Variants in ZNF365 observed in about 807,000 individuals in gnomAD.
ZNF365 encodes the protein protein ZNF365.
A neutral mutation model predicts 35.0 loss-of-function variants in ZNF365; 22 were observed. The ratio of observed to expected loss-of-function variants is 0.63; its 90% CI spans 0.45 to 0.90. The LOEUF (loss-of-function observed/expected upper bound fraction) is 0.90. Among genes scored for constraint, ZNF365 ranks in the 40% least tolerant of loss-of-function variants. The probability of loss-of-function intolerance (pLI) is 0.00; values close to 1 mark genes in which losing one functional copy is unlikely to be tolerated. For synonymous variants in ZNF365, 188 were observed against 196.2 expected, an observed-to-expected ratio of 0.96 and a Z score of 0.35; for missense variants, 448 against 500.3, an observed-to-expected ratio of 0.90 and a Z score of 1.00.
chr10:62,388,595 G>A lies in ZNF365; in HGVS notation c.924+19G>A. The A allele has an allele frequency of 6.2e-7, 1 of 1,612,486 alleles. No individual in the cohort carries two copies. Among genetic ancestry groups the A allele is most frequent in the Non-Finnish European group, 8.5e-7 (1 of 1,179,778 alleles). On this transcript the variant is annotated intron_variant, in intron 3 of 4. Transcript: ENST00000395254. The stretch of plus-strand genomic sequence containing the variant: ...GCACGTGGTGAGTCACCCCGGGCCA[G>A]CCACCGAGTGTAAGATCCCTGTGGT...
At chr10:62,375,811 C>G (rs1839313444) in intron 1 of ZNF365, 1 of 180,132 alleles carries the variant, frequency 5.6e-6, no homozygotes, top group East Asian at 1.5e-4. Flanking sequence ...TTCCTTGCTT[C>G]AGTGTTCTCT....
At chr10:62,406,305 A>G (rs1839904172), downstream of ZNF365, among the ~76,000 whole-genome samples, 1 of 152,068 alleles carries the variant, frequency 6.6e-6, no homozygotes, top group South Asian at 2.1e-4. Flanking sequence ...TTCAGATTTG[A>G]GATCAATTGT....
chr10:62,417,343 G>A (rs965158493), intron 3 of ZNF365, among the ~76,000 whole-genome samples: 3 of 152,036 alleles, frequency 2.0e-5, no homozygotes, highest in African/African-American at 7.2e-5. Flanking sequence ...AATGATCCCA[G>A]TGGATAAAAC....
At chr10:62,469,461 C>G (rs1348855483) in intron 4 of ZNF365, among the ~76,000 whole-genome samples, 1 of 152,064 alleles carries the variant, frequency 6.6e-6, no homozygotes, top group Non-Finnish European at 1.5e-5. Flanking sequence ...AGTTAAATAC[C>G]CTCAGTTTTT....
chr10:62,449,759 A>C (rs1309625888), intron 3 of ZNF365, among the ~76,000 whole-genome samples: 3 of 151,398 alleles, frequency 2.0e-5, no homozygotes, highest in Non-Finnish European at 1.5e-5. Context: ...GTAGTTCCTC[A>C]ATCTCCAAAT....
At chr10:62,452,656 T>C (rs562640854) in intron 3 of ZNF365, among the ~76,000 whole-genome samples, 14 of 152,394 alleles carry the variant, frequency 9.2e-5, no homozygotes, top group Admixed American at 7.8e-4. Flanking sequence ...GAAGGCAGTT[T>C]TGGCCTGAAT....
At chr10:62,403,764 C>T (rs1411995789), downstream of ZNF365, among the ~76,000 whole-genome samples, 3 of 152,180 alleles carry the variant, frequency 2.0e-5, no homozygotes, top group Non-Finnish European at 2.9e-5. Flanking sequence ...TAATGGGTTC[C>T]CCAGGTTATA....
rs1028852712 is a variant in ZNF365 at position 62,400,140 on chromosome 10, T to A, written c.*351T>A. The A allele has an allele frequency of 9.6e-6, 10 of 1,038,292 alleles. No homozygotes were observed. The highest frequency in any genetic ancestry group is 1.2e-5 in the Non-Finnish European group (10 of 861,802). The allele number at this position is 1,038,292 out of a possible 1,614,324, so 64.3% of individuals were successfully genotyped here. A position where few individuals can be genotyped will look rare whatever the true frequency, so the allele number is the denominator to read the frequency against. On this transcript the variant is annotated 3_prime_UTR_variant, in exon 5 of 5. Coordinates refer to ENST00000395254, the MANE Select transcript of ZNF365 (RefSeq NM_014951.3). ...TTCAGGACCAAGGCCACACAAAATG[T>A]CAGGCCTAGGGAGAAAATTCATCTG...
intron 3 of ZNF365, among the ~76,000 whole-genome samples, chr10:62,435,058 C>G (rs1554826965): frequency 6.6e-6 from 1 of 151,998 alleles, no homozygotes; most frequent in South Asian, 2.1e-4. Flanking sequence ...TAAATAAGAC[C>G]ATTTCAGAGG....
At position 62,388,511 on chromosome 10, in the gene ZNF365, A is replaced by C; in HGVS notation, c.859A>C (p.Lys287Gln). ...NLLQRVELAE[K>Q]QLEYYQSQQA... ...GTTACAGCGGGTAGAACTGGCGGAG[A>C]AGCAGCTTGAGTACTATCAGAGCCA... Residue 287 changes from lysine (K) to glutamine (Q), a missense_variant, in exon 3 of 5, where the codon AAG becomes CAG. Lys to Gln is a moderately conservative substitution (Grantham distance 53). Transcript: ENST00000395254. The C allele has an allele frequency of 6.2e-7, 1 of 1,614,172 alleles. No homozygotes were observed. The highest frequency in any genetic ancestry group is 8.5e-7 in the Non-Finnish European group (1 of 1,180,034).
At chr10:62,418,464 A>G (rs1465343758) in intron 3 of ZNF365, among the ~76,000 whole-genome samples, 1 of 152,040 alleles carries the variant, frequency 6.6e-6, no homozygotes, top group Non-Finnish European at 1.5e-5. Flanking sequence ...TTCTCTTCAA[A>G]AAAAGAAGTG....
At chr10:62,464,425 G>A (rs775881011) in intron 4 of ZNF365, among the ~76,000 whole-genome samples, 2 of 152,142 alleles carry the variant, frequency 1.3e-5, no homozygotes, top group Non-Finnish European at 2.9e-5. Context: ...GATCCAGAGG[G>A]GCAAGGAGTG....
chr10:62,474,371 T>A (rs1841093612), intron 4 of ZNF365, among the ~76,000 whole-genome samples: 1 of 152,162 alleles, frequency 6.6e-6, no homozygotes, highest in Non-Finnish European at 1.5e-5. Context: ...TTAAGTTTTC[T>A]TACTTGTTTA....
intron 3 of ZNF365, among the ~76,000 whole-genome samples, chr10:62,453,305 C>T (rs1477634160): frequency 1.3e-5 from 2 of 152,090 alleles, no homozygotes; most frequent in Admixed American, 6.5e-5. Context: ...CCTTATGAGT[C>T]GCCAGTGCCT....
At chr10:62,460,640 C>T (rs1382204570) in intron 4 of ZNF365, among the ~76,000 whole-genome samples, 2 of 152,138 alleles carry the variant, frequency 1.3e-5, no homozygotes, top group Non-Finnish European at 2.9e-5. Context: ...TAATATGAGA[C>T]AGATTGCTCT....
At position 62,376,861 on chromosome 10, in the gene ZNF365, A is replaced by G; in HGVS notation, c.668A>G (p.Asp223Gly). 3 of 1,614,162 alleles carry G rather than the reference A, an allele frequency of 1.9e-6. No individual in the cohort carries two copies. Among genetic ancestry groups the G allele is most frequent in the Non-Finnish European group, 2.5e-6 (3 of 1,180,044 alleles). ...RRERALNRQVDVAVEMIAVLR... is the reference protein window; with the variant it reads ...RRERALNRQVGVAVEMIAVLR... ...GAGCGGGCCTTAAACAGACAGGTGG[A>G]CGTGGCCGTGGAAATGATAGCTGTA... is the stretch of plus-strand genomic sequence containing the variant. The change falls in exon 2 of 5, where the codon GAC becomes GGC. Residue 223 changes from aspartate to glycine, a missense_variant. This residue lies in a region of ZNF365 where 362 missense variants were observed against 375.7 expected (regional missense o/e 0.96). Transcript: ENST00000395254.
intron 3 of ZNF365, among the ~76,000 whole-genome samples, chr10:62,442,043 A>G (rs1840510042): frequency 6.6e-6 from 1 of 152,194 alleles, no homozygotes; most frequent in African/African-American, 2.4e-5. Flanking sequence ...ATGCTTAGCA[A>G]ACGTGATCCC....
chr10:62,455,934 T>C (rs903501907), intron 3 of ZNF365, among the ~76,000 whole-genome samples: 2 of 152,176 alleles, frequency 1.3e-5, no homozygotes, highest in African/African-American at 4.8e-5. Context: ...CATGAAATCG[T>C]GATGGGGCAA....
intron 4 of ZNF365, among the ~76,000 whole-genome samples, chr10:62,475,732 C>G (rs537100775): frequency 9.9e-5 from 15 of 152,158 alleles, no homozygotes; most frequent in Non-Finnish European, 1.8e-4. Context: ...TCACTGGCCC[C>G]GAGGGCACCA....
Sources: allele counts gnomAD v4.1 joint callset (sites outside exome capture counted in the v4.1 genomes callset), GRCh38; gene constraint gnomAD v4.1.1; regional missense constraint gnomAD v4.1.1; transcripts MANE v1.5; gene names NCBI Gene and HGNC (gene_info 2026-07-23, HGNC 2026-07-21).